The following MSRA variants were observed in gnomAD, a reference collection of about 807,000 sequenced individuals.
MSRA encodes the protein methionine sulfoxide reductase A.
Under a neutral mutation model 31.3 loss-of-function variants are expected in MSRA, and 54 were observed. The observed-to-expected ratio is 1.73, with a 90% CI of 1.39 to 2.17. The LOEUF is 2.17. Ranked by LOEUF, MSRA falls within the 30% of genes most tolerant of loss-of-function variation. MSRA has a pLI of 0.00. For missense variants in MSRA, 507 were observed against 300.9 expected (o/e 1.69, Z -5.07); for synonymous variants, 169 against 116.5 (o/e 1.45, Z -2.90).
chr8:10,156,929 G>A (rs1804203887), intron 1 of MSRA, among the ~76,000 whole-genome samples: 2 of 149,260 alleles, frequency 1.3e-5, no homozygotes, highest in South Asian at 4.3e-4. Context: ...AACAATACCT[G>A]TCATTTATGA....
At chr8:10,194,491 G>C (rs1160407436) in intron 1 of MSRA, among the ~76,000 whole-genome samples, 1 of 152,134 alleles carries the variant, frequency 6.6e-6, no homozygotes, top group African/African-American at 2.4e-5. Flanking sequence ...GCTTGAACCT[G>C]GGAGGCAGAG....
chr8:10,294,398 A>G lies in MSRA; in HGVS notation c.332-7136A>G, dbSNP rs1800415783. Among the ~76,000 whole-genome samples the G allele has an allele frequency of 2.0e-5, 3 of 152,200 alleles. No individual in the cohort carries two copies. In the South Asian group the frequency reaches 6.2e-4, roughly 32 times the overall value. On this transcript the variant is annotated intron_variant, in intron 3 of 5. Coordinates refer to ENST00000317173, the MANE Select transcript of MSRA (RefSeq NM_012331.5). ...CAGACTGCTCAAATGCCTCCCGTGG[A>G]GTTTTGAGCTAATCATCAGGACAGT...
At chr8:10,300,570 G>A (rs1396978686) in intron 3 of MSRA, among the ~76,000 whole-genome samples, 2 of 152,016 alleles carry the variant, frequency 1.3e-5, no homozygotes, top group Non-Finnish European at 2.9e-5. Flanking sequence ...TTTTTGTTCA[G>A]TAGAGATGGG....
At chr8:10,129,183 G>A (rs902567366) in intron 1 of MSRA, among the ~76,000 whole-genome samples, 2 of 152,122 alleles carry the variant, frequency 1.3e-5, no homozygotes, top group Non-Finnish European at 2.9e-5. Flanking sequence ...GATCTGAAAT[G>A]AGTTTGCTGT....
rs553251858 is a variant in MSRA, at chr8:10,239,896, C to T, written c.212-5208C>T. Among the ~76,000 whole-genome samples the T allele has an allele frequency of 3.7e-5, 4 of 107,484 alleles. No individual in the cohort carries two copies. The South Asian group carries it at 8.1e-4, about 22-fold the overall frequency. 70.5% of individuals were successfully genotyped at this position (107,484 alleles called of 152,430 possible). A position where few individuals can be genotyped will look rare whatever the true frequency, so the allele number is the denominator to read the frequency against. The stretch of plus-strand genomic sequence containing the variant: ...TGATTCAGTGTCCTGGAGTCCGGCA[C>T]CCACCTGCACAGTTTGTTCACTGAA... On this transcript the variant is annotated intron_variant, in intron 2 of 5. Coordinates refer to ENST00000317173, the MANE Select transcript of MSRA (RefSeq NM_012331.5).
At chr8:10,116,551 A>G (rs1326793196) in intron 1 of MSRA, among the ~76,000 whole-genome samples, 1 of 152,228 alleles carries the variant, frequency 6.6e-6, no homozygotes, top group East Asian at 1.9e-4. Flanking sequence ...GCTGGTAGCC[A>G]TCTAGATAAG....
chr8:10,309,078 C>A (rs549523544), intron 4 of MSRA, among the ~76,000 whole-genome samples: 6 of 152,310 alleles, frequency 3.9e-5, no homozygotes, highest in African/African-American at 1.2e-4. Context: ...CCCTGCCCAC[C>A]CTAATTAAAG....
Position 10,166,694 on chromosome 8 carries a change from A to G in MSRA, c.143-41139A>G, listed in dbSNP as rs1805156737. Reference sequence around the variant, plus strand: ...CCTCTTGTATTACCCAAGCTCACTCATTCACTTGATCATACTTTTACAACT... The same window carrying G: ...CCTCTTGTATTACCCAAGCTCACTCGTTCACTTGATCATACTTTTACAACT... On this transcript the variant is annotated intron_variant, in intron 1 of 5. Transcript: ENST00000317173. 2.0e-5 allele frequency among the ~76,000 whole-genome samples: 3 copies of G among 152,266 alleles called. No homozygotes were observed. In the South Asian group the frequency reaches 6.2e-4, roughly 32 times the overall value.
chr8:10,067,959 C>T (rs1016708287), intron 1 of MSRA, among the ~76,000 whole-genome samples: 3 of 144,618 alleles, frequency 2.1e-5, no homozygotes, highest in Non-Finnish European at 4.5e-5. Flanking sequence ...TCTTGGCTCA[C>T]CACAACCTCT....
chr8:10,059,324 G>A (rs748043676), intron 1 of MSRA, among the ~76,000 whole-genome samples: 6 of 152,108 alleles, frequency 3.9e-5, no homozygotes, highest in African/African-American at 7.2e-5. Context: ...TAATCCTTAC[G>A]GTAACCCAAA....
chr8:10,336,193 T>C (rs995087808), intron 5 of MSRA, among the ~76,000 whole-genome samples: 4 of 152,198 alleles, frequency 2.6e-5, no homozygotes, highest in African/African-American at 9.7e-5. Flanking sequence ...TTCCTTCTGC[T>C]GGCAGAAACA....
intron 5 of MSRA, among the ~76,000 whole-genome samples, chr8:10,399,781 G>T (rs1414873577): frequency 6.6e-6 from 1 of 152,206 alleles, no homozygotes; most frequent in Non-Finnish European, 1.5e-5. Context: ...AGTGGAGGTG[G>T]TTATGGTGGC....
At chr8:10,336,100 C>G (rs1362041440) in intron 5 of MSRA, among the ~76,000 whole-genome samples, 1 of 152,190 alleles carries the variant, frequency 6.6e-6, no homozygotes, top group Non-Finnish European at 1.5e-5. Flanking sequence ...CATTCCGTAT[C>G]TTGCCAATAT....
intron 2 of MSRA, among the ~76,000 whole-genome samples, chr8:10,218,998 G>C (rs1056960748): frequency 6.6e-6 from 1 of 152,204 alleles, no homozygotes; most frequent in Non-Finnish European, 1.5e-5. Context: ...CCCAGATCTT[G>C]TGACCAGGGG....
At chr8:10,135,459 G>A (rs1487108770) in intron 1 of MSRA, among the ~76,000 whole-genome samples, 1 of 152,154 alleles carries the variant, frequency 6.6e-6, no homozygotes, top group East Asian at 1.9e-4. Context: ...AACAGTGGAA[G>A]TAAAGTTACC....
At chr8:10,109,583 C>A (rs1430076070) in intron 1 of MSRA, among the ~76,000 whole-genome samples, 1 of 152,190 alleles carries the variant, frequency 6.6e-6, no homozygotes, top group African/African-American at 2.4e-5. Context: ...CTCAAGTGAT[C>A]TACCCATCTT....
chr8:10,415,977 C>T (rs1049678726), intron 5 of MSRA, among the ~76,000 whole-genome samples: 1 of 152,086 alleles, frequency 6.6e-6, no homozygotes, highest in African/African-American at 2.4e-5. Context: ...TTCACAGTCC[C>T]GTGTGTCCTC....
intron 3 of MSRA, among the ~76,000 whole-genome samples, chr8:10,285,452 A>T (rs187920510): frequency 6.6e-6 from 1 of 152,314 alleles, no homozygotes; most frequent in Non-Finnish European, 1.5e-5. Context: ...CAGAGTAATT[A>T]GCATATCCAT....
At chr8:10,395,682 G>A (rs1430282714) in intron 5 of MSRA, among the ~76,000 whole-genome samples, 1 of 152,140 alleles carries the variant, frequency 6.6e-6, no homozygotes, top group African/African-American at 2.4e-5. Context: ...TGCTGAGAAT[G>A]TCTGCACATC....
Sources: gnomAD v4.1 joint callset for allele counts (sites outside exome capture counted in the v4.1 genomes callset) on GRCh38, gnomAD v4.1.1 for gene constraint, MANE v1.5 for transcripts, NCBI Gene and HGNC (gene_info 2026-07-23, HGNC 2026-07-21) for gene names.